NFATC1: variants seen among roughly 807,000 people sequenced by gnomAD.
NFATC1 encodes nuclear factor of activated T cells 1.
NFATC1 carries 22 observed loss-of-function variants against 76.0 expected under a neutral mutation model. The observed-to-expected ratio is 0.29, with a 90% CI of 0.21 to 0.41. The LOEUF (loss-of-function observed/expected upper bound fraction) is 0.41. NFATC1 is among the 10% of genes least tolerant of loss of function. The pLI is 1.00. For synonymous variants in NFATC1, 704 were observed against 613.1 expected, an observed-to-expected ratio of 1.15 and a Z score of -2.19; for missense variants, 1,357 against 1,337.7, an observed-to-expected ratio of 1.01 and a Z score of -0.23.
intron 3 of NFATC1, among the ~76,000 whole-genome samples, chr18:79,444,945 C>G (rs985075978): frequency 1.3e-5 from 2 of 152,148 alleles, no homozygotes; most frequent in Non-Finnish European, 2.9e-5. Flanking sequence ...CCCCAGAGCC[C>G]GAAGCCCCGG....
chr18:79,470,092 G>C, intron 8 of NFATC1: 1 of 802,642 alleles, frequency 1.2e-6, no homozygotes, highest in Non-Finnish European at 1.5e-6. Context: ...TGAGGACGCC[G>C]AGGCCGCTCC....
At chr18:79,484,903 G>A (rs929799447) in intron 8 of NFATC1, among the ~76,000 whole-genome samples, 6 of 152,240 alleles carry the variant, frequency 3.9e-5, no homozygotes, top group African/African-American at 7.2e-5. Flanking sequence ...GTGCTCCGGC[G>A]TCTCGAGCTG....
chr18:79,403,076 G>A (rs955712796), intron 1 of NFATC1, among the ~76,000 whole-genome samples: 3 of 152,246 alleles, frequency 2.0e-5, no homozygotes, highest in East Asian at 1.9e-4. Context: ...GGGGCTGTAC[G>A]TCCTGGCAGA....
At chr18:79,497,372 C>G (rs2089915738) in intron 9 of NFATC1, 1 of 152,202 alleles carries the variant, frequency 6.6e-6, no homozygotes, top group African/African-American at 2.4e-5. Context: ...TGGGGCCGCT[C>G]CAGCCCCGAG....
chr18:79,399,493 G>C (rs1250370752), intron 1 of NFATC1, among the ~76,000 whole-genome samples: 1 of 152,240 alleles, frequency 6.6e-6, no homozygotes, highest in Non-Finnish European at 1.5e-5. Flanking sequence ...ATATGGTGCG[G>C]AGAGCCCGGG....
chr18:79,495,843 G>T (rs2089866113), intron 9 of NFATC1, among the ~76,000 whole-genome samples: 1 of 152,210 alleles, frequency 6.6e-6, no homozygotes, highest in South Asian at 2.1e-4. Context: ...ACACAGGCAA[G>T]CTGTGAACCG....
rs191940571 is a variant in NFATC1 at position 79,463,642 on chromosome 18, G to A, written c.1959+2276G>A. 5.3e-3 allele frequency among the ~76,000 whole-genome samples: 801 copies of A among 152,314 alleles called. 10 individuals are homozygous for A. The highest frequency in any genetic ancestry group is 0.018 in the African/African-American group (738 of 41,558). ...TCCCCACCTACTGGGTGTCTGATTCGTTCCTCCCCACTGGGCTGCCCTTGC... is the reference window on the plus strand; with the variant it reads ...TCCCCACCTACTGGGTGTCTGATTCATTCCTCCCCACTGGGCTGCCCTTGC... On this transcript the variant is annotated intron_variant, in intron 7 of 9. Transcript: ENST00000427363.
At chr18:79,455,586 G>C (rs930950478) in intron 6 of NFATC1, among the ~76,000 whole-genome samples, 2 of 152,194 alleles carry the variant, frequency 1.3e-5, no homozygotes, top group African/African-American at 4.8e-5. Flanking sequence ...GAGACACACA[G>C]AAATGTGGGA....
At chr18:79,487,079 A>G (rs1459628150) in intron 9 of NFATC1, 142 bp downstream of exon 9, 32 of 989,626 alleles carry the variant, frequency 3.2e-5, no homozygotes, top group Non-Finnish European at 4.3e-5. Flanking sequence ...CGTCCTCCTG[A>G]TATAAAGTGC....
At chr18:79,406,812 G>A (rs1012467175) in intron 1 of NFATC1, among the ~76,000 whole-genome samples, 11 of 152,184 alleles carry the variant, frequency 7.2e-5, no homozygotes, top group African/African-American at 2.4e-4. Context: ...GTTGGACTGC[G>A]TCCCTGTGCT....
At chr18:79,474,719 C>T (rs1241989665) in intron 8 of NFATC1, among the ~76,000 whole-genome samples, 7 of 146,944 alleles carry the variant, frequency 4.8e-5, no homozygotes, top group African/African-American at 1.8e-4. Context: ...AGCGTGTTCT[C>T]ACGCTCACTG....
At chr18:79,484,849 G>A (rs532425744) in intron 8 of NFATC1, among the ~76,000 whole-genome samples, 1 of 152,248 alleles carries the variant, frequency 6.6e-6, no homozygotes, top group Admixed American at 6.5e-5. Flanking sequence ...GACCTGTGCG[G>A]GGGGGGAAGA....
intron 8 of NFATC1, among the ~76,000 whole-genome samples, chr18:79,483,101 CGTG>C (rs2089354581): frequency 8.7e-6 from 1 of 114,374 alleles, no homozygotes; most frequent in Non-Finnish European, 1.8e-5. Flanking sequence ...GTAATTCCAG[CGTG>C]ACCTGGTTCC....
intron 1 of NFATC1, chr18:79,400,501 C>CG (rs2085166202): frequency 2.9e-6 from 4 of 1,400,444 alleles, no homozygotes; most frequent in Admixed American, 3.4e-5. Flanking sequence ...CCGGAGGGCG[C>CG]GGGGGGCGCG....
chr18:79,459,064 C>T (rs1013191360), intron 6 of NFATC1, among the ~76,000 whole-genome samples: 13 of 152,264 alleles, frequency 8.5e-5, no homozygotes, highest in African/African-American at 3.1e-4. Flanking sequence ...AGGCCACAGG[C>T]GCTGGCTCAG....
chr18:79,439,616 A>ACGC (rs2086901220), intron 3 of NFATC1, among the ~76,000 whole-genome samples: 1 of 152,162 alleles, frequency 6.6e-6, no homozygotes, highest in Non-Finnish European at 1.5e-5. Context: ...AGTTCCACAT[A>ACGC]CGCCGTTGTT....
At chr18:79,450,641 C>T (rs1274545210) in intron 4 of NFATC1, among the ~76,000 whole-genome samples, 1 of 151,980 alleles carries the variant, frequency 6.6e-6, no homozygotes, top group African/African-American at 2.4e-5. Context: ...CCGACTGGAC[C>T]CGCTTGGTCA....
intron 8 of NFATC1, chr18:79,468,614 C>T (rs2088638204): frequency 6.6e-6 from 1 of 152,242 alleles, no homozygotes; most frequent in Non-Finnish European, 1.5e-5. Context: ...TTTCCATTTT[C>T]TCTGAATGTA....
chr18:79,491,942 G>C (rs113660151), intron 9 of NFATC1, among the ~76,000 whole-genome samples: 1 of 152,180 alleles, frequency 6.6e-6, no homozygotes, highest in Admixed American at 6.5e-5. Context: ...TGCTTCACAT[G>C]AACAGCTGTG....
Sources: allele counts gnomAD v4.1 joint callset (sites outside exome capture counted in the v4.1 genomes callset), GRCh38; gene constraint gnomAD v4.1.1; transcripts MANE v1.5; gene names NCBI Gene and HGNC (gene_info 2026-07-23, HGNC 2026-07-21).